MAPK8: variants seen among roughly 807,000 people sequenced by gnomAD.
The protein encoded by MAPK8 is JUN N-terminal kinase.
MAPK8 carries 13 observed loss-of-function variants against 52.9 expected under a neutral mutation model. The observed-to-expected ratio is 0.25, with a 90% CI of 0.16 to 0.39. The LOEUF (loss-of-function observed/expected upper bound fraction) is 0.39, where lower values mean the gene tolerates loss of function less well. Among genes scored for constraint, MAPK8 ranks in the 10% least tolerant of loss-of-function variants. MAPK8 has a pLI of 1.00. For synonymous variants in MAPK8, 191 were observed against 169.8 expected (o/e 1.12, Z -0.97); for missense variants, 300 against 519.2 (o/e 0.58, Z 4.10).
intron 1 of MAPK8, among the ~76,000 whole-genome samples, chr10:48,360,143 G>C (rs370085372): frequency 9.3e-4 from 141 of 152,070 alleles, no homozygotes; most frequent in African/African-American, 3.4e-3. Context: ...CTCCAGCCTG[G>C]GCTACAAAGT....
chr10:48,427,871 T>G (rs2043788553), intron 10 of MAPK8, among the ~76,000 whole-genome samples: 1 of 152,248 alleles, frequency 6.6e-6, no homozygotes. Context: ...TGTTCTGCTG[T>G]ATGAATATGT....
chr10:48,431,259 C>G lies in MAPK8; in HGVS notation c.1127C>G (p.Pro376Arg), dbSNP rs1348073540. The change falls in exon 11 of 12, where the codon CCC becomes CGC. Residue 376 changes from proline to arginine, a missense_variant. Pro to Arg is a moderately radical substitution (Grantham distance 103, BLOSUM62 -2). This residue lies in a region of MAPK8 where 119 missense variants were observed against 154.4 expected (regional missense o/e 0.77). Transcript: ENST00000374189. ...RTKNGVIRGQ[P>R]SPLGAAVING... The stretch of plus-strand genomic sequence containing the variant: ...AAGAATGGAGTTATACGGGGGCAGC[C>G]CTCTCCTTTAGGTTGGTTACAATAT... 6.2e-7 allele frequency: 1 copy of G among 1,610,422 alleles called. No individual in the cohort carries two copies.
At chr10:48,401,415 A>G (rs28395810) in intron 1 of MAPK8, among the ~76,000 whole-genome samples, 197 bp from the exon 2 acceptor site, 58 of 152,178 alleles carry the variant, frequency 3.8e-4, no homozygotes, top group Non-Finnish European at 6.3e-4. Context: ...TTCTTTTTTA[A>G]AAAAAACTAT....
At chr10:48,389,817 T>C (rs2041524541) in intron 1 of MAPK8, among the ~76,000 whole-genome samples, 3 of 152,128 alleles carry the variant, frequency 2.0e-5, no homozygotes, top group Non-Finnish European at 4.4e-5. Context: ...GTAAGTGATA[T>C]GAAGAAAAAT....
chr10:48,413,450 T>C (rs117063702), intron 5 of MAPK8, among the ~76,000 whole-genome samples: 7 of 152,318 alleles, frequency 4.6e-5, no homozygotes, highest in East Asian at 1.9e-4. Flanking sequence ...ACCAACACTT[T>C]TATTTTTTTC....
In MAPK8 at chr10:48,334,365, G is replaced by A. The variant is rs757275544; in HGVS notation, c.-50+27544G>A. Among the ~76,000 whole-genome samples the A allele has an allele frequency of 3.3e-5, 5 of 152,102 alleles. No homozygotes were observed. In the East Asian group the frequency reaches 5.8e-4, roughly 18 times the overall value. On this transcript the variant is annotated intron_variant, in intron 1 of 11. Transcript: ENST00000374189. Reference sequence around the variant, plus strand: ...AGAATCGCTTTGTCTGTCTCTGGCCGTTTCCCTCGCAGAACGGAACTGCAG... The same window carrying A: ...AGAATCGCTTTGTCTGTCTCTGGCCATTTCCCTCGCAGAACGGAACTGCAG...
At chr10:48,422,720 T>G (rs1471627326) in intron 6 of MAPK8, among the ~76,000 whole-genome samples, 1 of 152,152 alleles carries the variant, frequency 6.6e-6, no homozygotes, top group Non-Finnish European at 1.5e-5. Flanking sequence ...ATTAAATTTT[T>G]TTTCTAAAAT....
intron 2 of MAPK8, among the ~76,000 whole-genome samples, chr10:48,403,676 A>G (rs932390079): frequency 6.6e-6 from 1 of 152,004 alleles, no homozygotes; most frequent in Non-Finnish European, 1.5e-5. Context: ...AGAAAATCAT[A>G]TTATATAGTC....
At chr10:48,394,050 T>G (rs140567528) in intron 1 of MAPK8, among the ~76,000 whole-genome samples, 2 of 151,952 alleles carry the variant, frequency 1.3e-5, no homozygotes, top group African/African-American at 2.4e-5. Flanking sequence ...ATGAGCAATT[T>G]CCTTGAAAAA....
At chr10:48,404,446 G>A (rs528183703) in intron 2 of MAPK8, among the ~76,000 whole-genome samples, 2 of 152,278 alleles carry the variant, frequency 1.3e-5, no homozygotes, top group Admixed American at 1.3e-4. Context: ...GTGAGCCACT[G>A]CACCCAGCCT....
chr10:48,351,167 A>G (rs1846285629), intron 1 of MAPK8, among the ~76,000 whole-genome samples: 2 of 152,192 alleles, frequency 1.3e-5, no homozygotes, highest in South Asian at 2.1e-4. Context: ...AGAAGAATCA[A>G]TATCATGAAA....
At chr10:48,373,265 C>T (rs1467436667) in intron 1 of MAPK8, among the ~76,000 whole-genome samples, 4 of 152,074 alleles carry the variant, frequency 2.6e-5, no homozygotes, top group African/African-American at 9.7e-5. Flanking sequence ...ACAACTGGTA[C>T]TAGCCACTGC....
intron 1 of MAPK8, among the ~76,000 whole-genome samples, chr10:48,327,888 A>G (rs932303587): frequency 3.9e-5 from 6 of 152,342 alleles, no homozygotes; most frequent in South Asian, 2.1e-4. Context: ...GGCTTATTTC[A>G]TCTTACTAAA....
intron 1 of MAPK8, among the ~76,000 whole-genome samples, chr10:48,324,634 A>G (rs2132186910): frequency 6.6e-6 from 1 of 151,276 alleles, no homozygotes; most frequent in South Asian, 2.1e-4. Context: ...CTCAATTCCC[A>G]CTGTATTTCC....
In MAPK8 at chr10:48,438,073, C is replaced by T. The variant is rs2045000355; in HGVS notation, c.*3044C>T. 6.6e-6 allele frequency: 1 copy of T among 152,232 alleles called. No individual in the cohort carries two copies. 9.4% of individuals were successfully genotyped at this position (152,232 alleles called of 1,614,324 possible). ...TCAGTGTTGCCTAGGCATTCGCCTG[C>T]ACAACATTTTGAGGTTAGAACATAG... On this transcript the variant is annotated 3_prime_UTR_variant, in exon 12 of 12. Transcript: ENST00000374189.
intron 5 of MAPK8, among the ~76,000 whole-genome samples, chr10:48,411,775 CTTCTT>C (rs941719378): frequency 2.0e-5 from 3 of 151,982 alleles, no homozygotes; most frequent in African/African-American, 7.3e-5. Flanking sequence ...CCTTCCTTCT[CTTCTT>C]TTTTCTTTTC....
chr10:48,413,818 TATA>T (rs2042898795), intron 5 of MAPK8, among the ~76,000 whole-genome samples: 4 of 58,934 alleles, frequency 6.8e-5, no homozygotes, highest in African/African-American at 2.6e-4. Flanking sequence ...AGAATTGTTA[TATA>T]TATATATATA....
intron 1 of MAPK8, among the ~76,000 whole-genome samples, chr10:48,355,268 G>T (rs1185481076): frequency 1.3e-5 from 2 of 152,166 alleles, no homozygotes; most frequent in Non-Finnish European, 2.9e-5. Context: ...CCAGCACTTT[G>T]GGAGGCCGAG....
chr10:48,317,007 T>G (rs908130558), intron 1 of MAPK8, among the ~76,000 whole-genome samples: 10 of 152,156 alleles, frequency 6.6e-5, no homozygotes, highest in Non-Finnish European at 1.3e-4. Context: ...TATGTTAAAT[T>G]GTTTAAACAT....
Sources: allele counts gnomAD v4.1 joint callset (sites outside exome capture counted in the v4.1 genomes callset), GRCh38; gene constraint gnomAD v4.1.1; regional missense constraint gnomAD v4.1.1; transcripts MANE v1.5; gene names NCBI Gene and HGNC (gene_info 2026-07-23, HGNC 2026-07-21).